FNTB: variants seen among roughly 807,000 people sequenced by gnomAD.
The protein encoded by FNTB is protein farnesyltransferase subunit beta.
A neutral mutation model predicts 59.4 loss-of-function variants in FNTB; 27 were observed. That is an observed-to-expected ratio of 0.45 (90% CI 0.34 to 0.63). The LOEUF is 0.63. FNTB is among the 20% of genes least tolerant of loss of function. The pLI, the probability that FNTB is intolerant of heterozygous loss-of-function variation, is 0.02. For synonymous variants in FNTB, 230 were observed against 220.7 expected (o/e 1.04, Z -0.37); for missense variants, 449 against 559.6 (o/e 0.80, Z 1.99).
intron 1 of FNTB, among the ~76,000 whole-genome samples, chr14:64,998,854 A>T (rs1045150992): frequency 6.6e-6 from 1 of 152,206 alleles, no homozygotes; most frequent in Non-Finnish European, 1.5e-5. Flanking sequence ...CTTGAGTAAG[A>T]GGAATGGTTT....
At chr14:65,041,911 TA>T (rs1464780142) in intron 8 of FNTB, among the ~76,000 whole-genome samples, 1 of 152,222 alleles carries the variant, frequency 6.6e-6, no homozygotes, top group East Asian at 1.9e-4. Flanking sequence ...GCCTCAGTTA[TA>T]AAGACAGTGT....
At position 65,054,050 on chromosome 14, in the gene FNTB, A is replaced by G. The variant is rs1251052965; in HGVS notation, c.1068-525A>G. 1.3e-5 allele frequency among the ~76,000 whole-genome samples: 2 copies of G among 152,202 alleles called. No homozygotes were observed. The highest frequency in any genetic ancestry group is 4.8e-5 in the African/African-American group (2 of 41,462). On this transcript the variant is annotated intron_variant, in intron 10 of 11. Coordinates refer to ENST00000246166, the MANE Select transcript of FNTB (RefSeq NM_002028.4). This position sits in a 1 kb window ranked among gnomAD's most constrained non-coding sequence, Gnocchi z 4.4. ...TTTAATAGTTTAAGGTAAAAAAAGA[A>G]AGAAAAGAAAAAAAATACAGTTCCC...
At chr14:65,052,353 GCCATTTA>G (rs1315850815) in intron 9 of FNTB, among the ~76,000 whole-genome samples, 4 of 152,264 alleles carry the variant, frequency 2.6e-5, no homozygotes, top group African/African-American at 9.6e-5. Context: ...GCTTTCAGGT[GCCATTTA>G]CCAATTGTTG....
intron 9 of FNTB, among the ~76,000 whole-genome samples, chr14:65,050,057 AG>A (rs2062572677): frequency 6.6e-6 from 1 of 152,194 alleles, no homozygotes; most frequent in South Asian, 2.1e-4. Context: ...AGGAGCAAAA[AG>A]GAGAAAATAG....
At chr14:65,015,410 CTTTTTTTT>C (rs888923691) in intron 3 of FNTB, 32 of 155,764 alleles carry the variant, frequency 2.1e-4, no homozygotes, top group Admixed American at 3.4e-4. Flanking sequence ...GCCTTGTTAT[CTTTTTTTT>C]TTTTTTTTTT....
chr14:64,991,908 C>T lies in FNTB; in HGVS notation c.144+4811C>T, dbSNP rs1888214908. On this transcript the variant is annotated intron_variant, in intron 1 of 11. Transcript: ENST00000246166. This position sits in a 1 kb window ranked among gnomAD's most constrained non-coding sequence, Gnocchi z 4.4. ...ATGAGGTGAGCTGGGCGGGTGGGCCCCTATCAGGGTATTAAGAGGCAGGTG... is the reference window on the plus strand; with the variant it reads ...ATGAGGTGAGCTGGGCGGGTGGGCCTCTATCAGGGTATTAAGAGGCAGGTG... 1.3e-5 allele frequency among the ~76,000 whole-genome samples: 2 copies of T among 152,002 alleles called. No homozygotes were observed. Among genetic ancestry groups the T allele is most frequent in the East Asian group, 1.9e-4 (1 of 5,182 alleles).
rs1043577119 is a variant in FNTB at position 65,044,781 on chromosome 14, C to G, written c.955+338C>G. 3.7e-6 allele frequency: 1 copy of G among 273,120 alleles called. No homozygotes were observed. The highest frequency in any genetic ancestry group is 6.9e-6 in the Non-Finnish European group (1 of 144,770). The allele number at this position is 273,120 out of a possible 1,614,324, so 16.9% of individuals were successfully genotyped here. On this transcript the variant is annotated intron_variant, in intron 9 of 11. Transcript: ENST00000246166. The surrounding 1 kb of genome is among the most constrained non-coding windows in gnomAD (Gnocchi z 5.5). The stretch of plus-strand genomic sequence containing the variant: ...CTGGGCTCTGTGGTGATTGCCACCT[C>G]CTCTGGGTGCAGGGCAGAGCTGAAA...
intron 4 of FNTB, chr14:65,021,937 C>A (rs117861584): frequency 2.2e-6 from 1 of 456,002 alleles, no homozygotes; most frequent in South Asian, 1.5e-5. Flanking sequence ...TGAGCCACTG[C>A]GCCCGGCCTA....
At position 65,044,708 on chromosome 14, in the gene FNTB, A is replaced by C. The variant is rs1488830485; in HGVS notation, c.955+265A>C. On this transcript the variant is annotated intron_variant, in intron 9 of 11. Coordinates refer to ENST00000246166, the MANE Select transcript of FNTB (RefSeq NM_002028.4). The surrounding 1 kb of genome is among the most constrained non-coding windows in gnomAD (Gnocchi z 5.5). ...AAATTGCTACGGGGAGCGGGGAGGA[A>C]GTGGGCGCTGCTTCTGCGTTATCTG... is the stretch of plus-strand genomic sequence containing the variant. 4.1e-6 allele frequency: 2 copies of C among 492,260 alleles called. No individual in the cohort carries two copies. The highest frequency in any genetic ancestry group is 6.9e-6 in the Non-Finnish European group (2 of 291,674). 30.5% of individuals were successfully genotyped at this position (492,260 alleles called of 1,614,324 possible). A position where few individuals can be genotyped will look rare whatever the true frequency, so the allele number is the denominator to read the frequency against.
intron 9 of FNTB, among the ~76,000 whole-genome samples, chr14:65,052,017 G>A (rs191250048): frequency 6.6e-5 from 10 of 151,870 alleles, no homozygotes; most frequent in African/African-American, 9.7e-5. Flanking sequence ...GGATGGTCTC[G>A]ATCTCCTGAC....
rs2061567186 is a variant in FNTB, at chr14:65,005,462, TTTCTTTC to T, written c.209+1152_209+1158del. ...TCTCTTCCTTTCTTTTCTTTCTTTC[TTTCTTTC>T]TTTCTTTCTTTCTTTCTTTCTTTCT... On this transcript the variant is annotated intron_variant, in intron 2 of 11. Transcript: ENST00000246166. 1.2e-4 allele frequency among the ~76,000 whole-genome samples: 14 copies of T among 113,754 alleles called. 2 individuals are homozygous for T. In the South Asian group the frequency reaches 3.6e-3, roughly 29 times the overall value. 74.6% of individuals were successfully genotyped at this position (113,754 alleles called of 152,430 possible). A position where few individuals can be genotyped will look rare whatever the true frequency, so the allele number is the denominator to read the frequency against.
In FNTB at chr14:65,007,338, A is replaced by G. The variant is rs534871743; in HGVS notation, c.209+3025A>G. Among the ~76,000 whole-genome samples, 1 of 152,364 alleles carries G rather than the reference A, an allele frequency of 6.6e-6. No homozygotes were observed. Among genetic ancestry groups the G allele is most frequent in the Admixed American group, 6.5e-5 (1 of 15,308 alleles). ...CTGAAGTGCATGGTTAGCTGTTAGC[A>G]GTAAATCTAGATGGCAGGGCTTGTT... is the stretch of plus-strand genomic sequence containing the variant. On this transcript the variant is annotated intron_variant, in intron 2 of 11. Coordinates refer to ENST00000246166, the MANE Select transcript of FNTB (RefSeq NM_002028.4). This position sits in a 1 kb window ranked among gnomAD's most constrained non-coding sequence, Gnocchi z 4.9.
At chr14:65,016,916 C>T (rs990517475) in intron 4 of FNTB, among the ~76,000 whole-genome samples, 5 of 132,642 alleles carry the variant, frequency 3.8e-5, no homozygotes, top group East Asian at 2.3e-4. Flanking sequence ...GAAAGGCCCA[C>T]GTGGTTTTTT....
chr14:65,004,668 CT>C (rs146781360), intron 2 of FNTB, among the ~76,000 whole-genome samples: 67 of 146,226 alleles, frequency 4.6e-4, no homozygotes, highest in Admixed American at 4.1e-4. Flanking sequence ...CTTTCTTTTT[CT>C]TTTTTTTTTT....
In FNTB at chr14:65,027,570, C is replaced by T; in HGVS notation, c.492C>T (p.Gly164=). ...CAGTCAATGCATTGTGCATCATTGG[C>T]ACCGAGGAGGCCTATGACATCATTA... ...YAAVNALCII[G]TEEAYDIINR... Residue 164 remains glycine (G), a synonymous_variant, in exon 5 of 12, where the codon GGC becomes GGT. Transcript: ENST00000246166. The surrounding 1 kb of genome is among the most constrained non-coding windows in gnomAD (Gnocchi z 5.7). The T allele has an allele frequency of 1.2e-6, 2 of 1,614,194 alleles. No individual in the cohort carries two copies. Among genetic ancestry groups the T allele is most frequent in the African/African-American group, 1.3e-5 (1 of 75,044 alleles).
intron 9 of FNTB, among the ~76,000 whole-genome samples, chr14:65,049,280 T>C (rs183553872): frequency 1.7e-3 from 253 of 152,352 alleles, no homozygotes; most frequent in Middle Eastern, 3.4e-3. Context: ...CTTTTGGACA[T>C]ACCCTGGAAT....
At chr14:65,037,111 T>G (rs1003432915) in intron 7 of FNTB, among the ~76,000 whole-genome samples, 1 of 151,880 alleles carries the variant, frequency 6.6e-6, no homozygotes, top group East Asian at 1.9e-4. Context: ...CTCTTTTTTT[T>G]TTTTCCTTTG....
chr14:65,057,162 CCT>C (rs2062754647), intron 11 of FNTB, among the ~76,000 whole-genome samples: 1 of 152,224 alleles, frequency 6.6e-6, no homozygotes, highest in Non-Finnish European at 1.5e-5. Flanking sequence ...ACAAACCCCA[CCT>C]CTCAACATAG....
rs1328795021 is a variant in FNTB, at chr14:65,049,953, A to T, written c.956-3285A>T. On this transcript the variant is annotated intron_variant, in intron 9 of 11. Transcript: ENST00000246166. Reference sequence around the variant, plus strand: ...AAATCGTGAAGGAAAAATCAATAGTATGATTACAATATTAAGTATAAAACA... The same window carrying T: ...AAATCGTGAAGGAAAAATCAATAGTTTGATTACAATATTAAGTATAAAACA... Among the ~76,000 whole-genome samples the T allele has an allele frequency of 2.6e-5, 4 of 152,272 alleles. No individual in the cohort carries two copies. In the East Asian group the frequency reaches 7.7e-4, roughly 29 times the overall value.
Sources: gnomAD v4.1 joint callset for allele counts (sites outside exome capture counted in the v4.1 genomes callset) on GRCh38, gnomAD v4.1.1 for gene constraint, Gnocchi (gnomAD v3.1) non-coding constraint, MANE v1.5 for transcripts, NCBI Gene and HGNC (gene_info 2026-07-23, HGNC 2026-07-21) for gene names.